LAMB1: variants seen among roughly 807,000 people sequenced by gnomAD.
LAMB1 encodes laminin subunit beta 1.
A neutral mutation model predicts 222.3 loss-of-function variants in LAMB1; 121 were observed. That is an observed-to-expected ratio of 0.54 (90% CI 0.47 to 0.63). The LOEUF (loss-of-function observed/expected upper bound fraction) is 0.63, where lower values mean the gene tolerates loss of function less well. Among genes scored for constraint, LAMB1 ranks in the 30% least tolerant of loss-of-function variants. The pLI is 0.00. For synonymous variants in LAMB1, 794 were observed against 807.2 expected (o/e 0.98, Z 0.28); for missense variants, 2,172 against 2,240.8 (o/e 0.97, Z 0.62).
At chr7:107,975,619 C>G (rs2033837583) in intron 10 of LAMB1, 70 bp downstream of exon 10, 1 of 1,442,556 alleles carries the variant, frequency 6.9e-7, no homozygotes, top group Admixed American at 1.9e-5. Flanking sequence ...AGCTCTGAGA[C>G]TACTGACTAT....
intron 3 of LAMB1, 132 bp downstream of exon 3, chr7:108,001,426 T>A (rs564048793): frequency 6.6e-5 from 66 of 998,856 alleles, no homozygotes; most frequent in Middle Eastern, 6.4e-4. Flanking sequence ...ACAAGCCTAA[T>A]CCCGGGACTC....
At position 107,959,394 on chromosome 7, in the gene LAMB1, G is replaced by A. The variant is rs201329105; in HGVS notation, c.2545C>T (p.Arg849Trp). Residue 849 changes from arginine to tryptophan, a missense_variant, in exon 20 of 34, where the codon CGG becomes TGG. Arg to Trp is a moderately radical substitution (Grantham distance 101). Coordinates refer to ENST00000222399, the MANE Select transcript of LAMB1 (RefSeq NM_002291.3). ...QCHCFQGVYA[R>W]QCDRCLPGHW... ...CCAGGTAAGCACCGATCACACTGCC[G>A]AGCATACACTCCCTGGAAACAGTGG... The A allele has an allele frequency of 6.8e-6, 11 of 1,614,198 alleles. No homozygotes were observed. The highest frequency in any genetic ancestry group is 2.7e-5 in the African/African-American group (2 of 75,046).
intron 24 of LAMB1, chr7:107,942,245 C>T (rs576687253): frequency 2.0e-5 from 3 of 152,502 alleles, no homozygotes; most frequent in African/African-American, 7.2e-5. Flanking sequence ...CCACCTTGGC[C>T]TCCCGAAGTG....
intron 28 of LAMB1, 128 bp from the exon 29 acceptor site, chr7:107,931,628 T>G: frequency 5.9e-6 from 5 of 850,528 alleles, no homozygotes. Context: ...GGGAAACAAC[T>G]TTCTCCCATT....
At chr7:107,928,738 C>G (rs1443394835) in intron 31 of LAMB1, among the ~76,000 whole-genome samples, 1 of 152,170 alleles carries the variant, frequency 6.6e-6, no homozygotes, top group Admixed American at 6.5e-5. Flanking sequence ...AATGACCCAC[C>G]CACCTCGGCC....
At chr7:107,962,707 C>CAAAAAAAA (rs57580761) in intron 15 of LAMB1, among the ~76,000 whole-genome samples, 198 bp downstream of exon 15, 3 of 98,688 alleles carry the variant, frequency 3.0e-5, no homozygotes, top group Non-Finnish European at 4.3e-5. Context: ...GAGCGAGACT[C>CAAAAAAAA]AAAAAAAAAA....
intron 24 of LAMB1, among the ~76,000 whole-genome samples, chr7:107,948,907 G>GA (rs1049787306): frequency 2.7e-4 from 41 of 150,432 alleles, no homozygotes; most frequent in African/African-American, 8.5e-4. Context: ...TTATCTTACA[G>GA]AAAAAAAAAG....
chr7:108,001,241 T>C (rs149535514), intron 3 of LAMB1, among the ~76,000 whole-genome samples: 650 of 152,370 alleles, frequency 4.3e-3, no homozygotes, highest in Non-Finnish European at 5.8e-3. Flanking sequence ...TCACCTTTAA[T>C]GCACACTTCC....
At chr7:107,979,341 T>G (rs1423204855) in intron 8 of LAMB1, among the ~76,000 whole-genome samples, 1 of 152,214 alleles carries the variant, frequency 6.6e-6, no homozygotes, top group East Asian at 1.9e-4. Flanking sequence ...CACTCAATCC[T>G]GTACCTTCTA....
chr7:107,948,295 A>G (rs2033171688), intron 24 of LAMB1, among the ~76,000 whole-genome samples: 1 of 152,152 alleles, frequency 6.6e-6, no homozygotes, highest in Non-Finnish European at 1.5e-5. Flanking sequence ...CTAACATTTT[A>G]TAACTTTGAA....
chr7:107,976,323 C>T (rs1186416078), intron 9 of LAMB1, among the ~76,000 whole-genome samples: 1 of 152,106 alleles, frequency 6.6e-6, no homozygotes, highest in East Asian at 1.9e-4. Context: ...GACCGTGAGG[C>T]CTGAAGGATG....
At chr7:107,954,159 T>G (rs965535561) in intron 21 of LAMB1, among the ~76,000 whole-genome samples, 5 of 151,750 alleles carry the variant, frequency 3.3e-5, no homozygotes, top group Non-Finnish European at 5.9e-5. Context: ...AATCCAAGGA[T>G]TACATTTTTT....
chr7:107,999,359 C>G (rs2034339567), intron 3 of LAMB1, among the ~76,000 whole-genome samples: 1 of 152,194 alleles, frequency 6.6e-6, no homozygotes, highest in Non-Finnish European at 1.5e-5. Context: ...TCTGTACCTA[C>G]ATTTTCTGAA....
chr7:107,964,712 A>C, intron 13 of LAMB1, 25 bp from the exon 14 acceptor site: 6 of 1,613,618 alleles, frequency 3.7e-6, no homozygotes, highest in Non-Finnish European at 5.1e-6. Flanking sequence ...GAGCCACATC[A>C]GCTGAGTTCA....
At chr7:107,944,631 T>G (rs2033077941) in intron 24 of LAMB1, among the ~76,000 whole-genome samples, 1 of 152,162 alleles carries the variant, frequency 6.6e-6, no homozygotes, top group Admixed American at 6.5e-5. Context: ...CTATTGAATT[T>G]CCAGAATTGC....
Position 107,929,423 on chromosome 7 carries a change from A to G in LAMB1, c.4734T>C (p.Ala1578=). Residue 1578 remains alanine (A), a synonymous_variant, in exon 30 of 34, where the codon GCT becomes GCC. Transcript: ENST00000222399. The part of the protein sequence containing the change: ...IARAEMLLEE[A]KRASKSATDV... ...ATGTCTTTAGATACCTTGCTCTTTT[A>G]GCTTCTTCTAACAACATCTCAGCTC... The G allele has an allele frequency of 6.2e-7, 1 of 1,613,870 alleles. No individual in the cohort carries two copies. Among genetic ancestry groups the G allele is most frequent in the Admixed American group, 1.7e-5 (1 of 60,018 alleles).
chr7:107,958,042 C>T (rs1584505927), intron 20 of LAMB1, among the ~76,000 whole-genome samples: 1 of 152,160 alleles, frequency 6.6e-6, no homozygotes, highest in South Asian at 2.1e-4. Context: ...ATTGTGGCAG[C>T]TCCCTTTGCT....
chr7:107,940,529 G>A (rs1004886561), intron 24 of LAMB1, 171 bp from the exon 25 acceptor site: 1 of 632,254 alleles, frequency 1.6e-6, no homozygotes. Context: ...GCACATGCGT[G>A]ACTTCAGTGG....
intron 24 of LAMB1, chr7:107,942,122 G>C (rs1562980396): frequency 6.6e-6 from 1 of 151,934 alleles, no homozygotes; most frequent in African/African-American, 2.4e-5. Context: ...CTCCTAAATA[G>C]CTGGGACTAC....
Sources: allele counts gnomAD v4.1 joint callset (sites outside exome capture counted in the v4.1 genomes callset), GRCh38; gene constraint gnomAD v4.1.1; transcripts MANE v1.5; gene names NCBI Gene and HGNC (gene_info 2026-07-23, HGNC 2026-07-21).